The following OTULIN variants were observed in gnomAD, a reference collection of about 807,000 sequenced individuals.
OTULIN encodes OTU deubiquitinase with linear linkage specificity.
A neutral mutation model predicts 39.6 loss-of-function variants in OTULIN; 15 were observed. That is an observed-to-expected ratio of 0.38 (90% CI 0.25 to 0.58). OTULIN has a LOEUF of 0.58. OTULIN is among the 20% of genes least tolerant of loss of function. The pLI, the probability that OTULIN is intolerant of heterozygous loss-of-function variation, is 0.66. For missense variants in OTULIN, 319 were observed against 445.9 expected (o/e 0.72, Z 2.56); for synonymous variants, 156 against 170.3 (o/e 0.92, Z 0.65).
intron 6 of OTULIN, among the ~76,000 whole-genome samples, chr5:14,691,456 A>G (rs970010534): frequency 2.0e-5 from 3 of 152,158 alleles, no homozygotes; most frequent in Non-Finnish European, 2.9e-5. Flanking sequence ...AATTACCTGT[A>G]CTCATAATGT....
chr5:14,670,955 T>C (rs1217793232), intron 1 of OTULIN, among the ~76,000 whole-genome samples: 1 of 152,202 alleles, frequency 6.6e-6, no homozygotes, highest in East Asian at 1.9e-4. Context: ...TGAGTGAAAT[T>C]CAGTTGTGGT....
chr5:14,667,459 A>G (rs1202220052), intron 1 of OTULIN, among the ~76,000 whole-genome samples: 1 of 152,172 alleles, frequency 6.6e-6, no homozygotes, highest in Non-Finnish European at 1.5e-5. Flanking sequence ...TGTAGCCTCA[A>G]CCTTCTGGGC....
chr5:14,667,422 T>G (rs1312954528), intron 1 of OTULIN, among the ~76,000 whole-genome samples: 1 of 152,222 alleles, frequency 6.6e-6, no homozygotes, highest in Non-Finnish European at 1.5e-5. Flanking sequence ...TTGCCCAGTT[T>G]GGAGTGCAGT....
chr5:14,679,103 A>G (rs1736180055), intron 3 of OTULIN, among the ~76,000 whole-genome samples: 1 of 152,164 alleles, frequency 6.6e-6, no homozygotes, highest in South Asian at 2.1e-4. Context: ...TTATAAAATA[A>G]AAGCCTCAGG....
Position 14,681,479 on chromosome 5 carries a change from T to G in OTULIN, c.340T>G (p.Ser114Ala), listed in dbSNP as rs1241820666. The G allele has an allele frequency of 6.2e-7, 1 of 1,612,294 alleles. No individual in the cohort carries two copies. The highest frequency in any genetic ancestry group is 1.3e-5 in the African/African-American group (1 of 74,844). The change falls in exon 4 of 7, where the codon TCT (serine) becomes GCT (alanine). Residue 114 changes from serine to alanine, a missense_variant. Coordinates refer to ENST00000284274, the MANE Select transcript of OTULIN (RefSeq NM_138348.6). ...CTTTTCCCAGGGCTATGAAGAGGTT[T>G]CTCAGAAGTTCACCTCCATACGGCG... The part of the protein sequence containing the change: ...TCMKMGYEEV[S>A]QKFTSIRRVR...
intron 2 of OTULIN, among the ~76,000 whole-genome samples, chr5:14,676,281 T>A (rs1196387065): frequency 1.3e-5 from 2 of 152,258 alleles, no homozygotes; most frequent in Non-Finnish European, 2.9e-5. Flanking sequence ...AGAAATGTCC[T>A]TTTTTGAAAA....
At chr5:14,668,630 A>C (rs887108674) in intron 1 of OTULIN, among the ~76,000 whole-genome samples, 2 of 152,214 alleles carry the variant, frequency 1.3e-5, no homozygotes, top group Non-Finnish European at 2.9e-5. Context: ...TATGAACTGC[A>C]GGGTTCAAGT....
At chr5:14,682,725 T>A (rs1736286272) in intron 4 of OTULIN, among the ~76,000 whole-genome samples, 1 of 152,136 alleles carries the variant, frequency 6.6e-6, no homozygotes, top group Non-Finnish European at 1.5e-5. Context: ...ATTTTTATTA[T>A]TTTTATTTTT....
chr5:14,677,732 T>G (rs1736141395), intron 2 of OTULIN, among the ~76,000 whole-genome samples: 1 of 152,172 alleles, frequency 6.6e-6, no homozygotes, highest in South Asian at 2.1e-4. Flanking sequence ...TTCTGTTAGT[T>G]TCTGGTTTAT....
Position 14,678,731 on chromosome 5 carries a change from A to G in OTULIN, c.280A>G (p.Lys94Glu), listed in dbSNP as rs1324069106. Residue 94 changes from lysine (K) to glutamate (E), a missense_variant, in exon 3 of 7, where the codon AAA becomes GAA. Physicochemically the swap from Lys to Glu is moderately conservative, Grantham distance 56. Around this residue, in one of 4 missense-constraint regions of OTULIN, gnomAD observed 132 missense variants for 143.7 expected, o/e 0.92. Coordinates refer to ENST00000284274, the MANE Select transcript of OTULIN (RefSeq NM_138348.6). Reference sequence around the variant, plus strand: ...AATGGATATCATGGACTACTGCAAAAAAGAATGGAGAGGAAATACACAGAA... The same window carrying G: ...AATGGATATCATGGACTACTGCAAAGAAGAATGGAGAGGAAATACACAGAA... Reference protein sequence around the residue: ...PEMDIMDYCKKEWRGNTQKAT... With the variant: ...PEMDIMDYCKEEWRGNTQKAT... The G allele has an allele frequency of 1.9e-6, 3 of 1,610,178 alleles. No homozygotes were observed. Among genetic ancestry groups the G allele is most frequent in the Non-Finnish European group, 2.5e-6 (3 of 1,178,594 alleles).
At chr5:14,706,793 A>G in the OTULIN span, 1 of 152,234 alleles carries the variant, frequency 6.6e-6, no homozygotes, top group Non-Finnish European at 1.5e-5. Context: ...GATTCAAAAT[A>G]ACCACACAGA....
At chr5:14,677,849 TA>T (rs1736145028) in intron 2 of OTULIN, among the ~76,000 whole-genome samples, 1 of 152,236 alleles carries the variant, frequency 6.6e-6, no homozygotes, top group South Asian at 2.1e-4. Context: ...ATAATGGTTA[TA>T]AAAAACTGAT....
intron 1 of OTULIN, among the ~76,000 whole-genome samples, chr5:14,669,148 CAG>C (rs1735921535): frequency 1.3e-5 from 2 of 150,780 alleles, no homozygotes; most frequent in African/African-American, 4.9e-5. Context: ...CAGATCACCT[CAG>C]AGTCAGGAGT....
chr5:14,708,441 A>G, the OTULIN span: 2 of 152,158 alleles, frequency 1.3e-5, no homozygotes, highest in African/African-American at 4.8e-5. Flanking sequence ...AATGCCCTAC[A>G]ATGAAAAATA....
intron 4 of OTULIN, among the ~76,000 whole-genome samples, chr5:14,684,340 A>G (rs1736332252): frequency 6.6e-6 from 1 of 152,260 alleles, no homozygotes; most frequent in Non-Finnish European, 1.5e-5. Flanking sequence ...CAGCAATTTA[A>G]CATAGTTTGA....
the OTULIN span, chr5:14,711,287 C>T: frequency 2.1e-5 from 34 of 1,614,104 alleles, no homozygotes; most frequent in Admixed American, 3.2e-4. Context: ...CCTCCGTGGC[C>T]GACTCATTCT....
intron 4 of OTULIN, 22 bp from the exon 5 acceptor site, chr5:14,687,499 T>C: frequency 6.2e-7 from 1 of 1,607,058 alleles, no homozygotes; most frequent in Non-Finnish European, 8.5e-7. Context: ...CTTCTTTATC[T>C]CTTTGTTTCT....
At chr5:14,711,557 ACTGCCCCGCCCCAGACAACCCGCTCC>A in the OTULIN span, among the ~76,000 whole-genome samples, 4 of 152,168 alleles carry the variant, frequency 2.6e-5, no homozygotes, top group Admixed American at 1.3e-4. Context: ...ACCATGTCCC[ACTGCCCCGCCCCAGACAACCCGCTCC>A]CTGCTGCCCT....
the OTULIN span, chr5:14,708,314 T>C: frequency 6.6e-6 from 1 of 152,228 alleles, no homozygotes; most frequent in Non-Finnish European, 1.5e-5. Flanking sequence ...ATTTTTAGAT[T>C]GTATTCATCC....
Sources: allele counts gnomAD v4.1 joint callset (sites outside exome capture counted in the v4.1 genomes callset), GRCh38; gene constraint gnomAD v4.1.1; regional missense constraint gnomAD v4.1.1; transcripts MANE v1.5; gene names NCBI Gene and HGNC (gene_info 2026-07-23, HGNC 2026-07-21).